MAD1L1: variants seen among roughly 807,000 people sequenced by gnomAD.
The protein encoded by MAD1L1 is mitotic arrest deficient 1 like 1.
Under a neutral mutation model 96.9 loss-of-function variants are expected in MAD1L1, and 95 were observed. The observed-to-expected ratio is 0.98, with a 90% CI of 0.83 to 1.16. MAD1L1 has a LOEUF of 1.16. Among genes scored for constraint, MAD1L1 ranks in the 50% most tolerant of loss-of-function variants. MAD1L1 has a pLI of 0.00. For synonymous variants in MAD1L1, 473 were observed against 396.6 expected, an observed-to-expected ratio of 1.19 and a Z score of -2.29; for missense variants, 1,007 against 954.4, an observed-to-expected ratio of 1.06 and a Z score of -0.73.
chr7:1,885,713 C>A (rs1236534556), intron 18 of MAD1L1, among the ~76,000 whole-genome samples: 1 of 152,212 alleles, frequency 6.6e-6, no homozygotes, highest in Admixed American at 6.5e-5. Flanking sequence ...GTGGCTCTGA[C>A]TGCTGCCCCG....
intron 12 of MAD1L1, among the ~76,000 whole-genome samples, chr7:2,045,750 G>C (rs562860499): frequency 1.3e-5 from 2 of 152,070 alleles, no homozygotes; most frequent in East Asian, 3.9e-4. Context: ...GGGGAGGGGA[G>C]CGGGACATGG....
intron 18 of MAD1L1, among the ~76,000 whole-genome samples, chr7:1,864,063 A>G (rs958606018): frequency 3.9e-5 from 6 of 152,232 alleles, no homozygotes; most frequent in African/African-American, 1.2e-4. Context: ...ACTGCACTCC[A>G]GCCTGGGCCC....
intron 11 of MAD1L1, among the ~76,000 whole-genome samples, chr7:2,083,464 G>A (rs78580412): frequency 0.024 from 3,679 of 152,346 alleles, 160 homozygotes; most frequent in African/African-American, 0.084. Flanking sequence ...TACACAGCAC[G>A]GAGAGGAGGT....
chr7:1,957,126 G>A (rs955889284), intron 16 of MAD1L1, among the ~76,000 whole-genome samples: 2 of 152,178 alleles, frequency 1.3e-5, no homozygotes, highest in Non-Finnish European at 2.9e-5. Flanking sequence ...GCTCGGAGCC[G>A]CCCATCACCA....
intron 11 of MAD1L1, among the ~76,000 whole-genome samples, chr7:2,143,518 A>T (rs1789145182): frequency 6.6e-6 from 1 of 151,908 alleles, no homozygotes. Flanking sequence ...GAAGAGGCTC[A>T]GAAAAGCACC....
In MAD1L1 at chr7:1,868,451, G is replaced by A. The variant is rs563464739; in HGVS notation, c.1998+29749C>T. ...GTGCTGCTGGAGTGGGGCCCTCCAT[G>A]TCTGTCCTCCCCAGCGAGGCCTCCC... is the stretch of plus-strand genomic sequence containing the variant. On this transcript the variant is annotated intron_variant, in intron 18 of 18. Coordinates refer to ENST00000265854, the MANE Select transcript of MAD1L1 (RefSeq NM_001013836.2). Among the ~76,000 whole-genome samples, 236 of 151,896 alleles carry A rather than the reference G, an allele frequency of 1.6e-3. 1 individual carries two copies. The highest frequency in any genetic ancestry group is 5.5e-3 in the African/African-American group (226 of 41,440).
intron 18 of MAD1L1, among the ~76,000 whole-genome samples, chr7:1,882,859 C>T (rs939872658): frequency 6.6e-6 from 1 of 152,232 alleles, no homozygotes; most frequent in Non-Finnish European, 1.5e-5. Context: ...CAGTTTTGCT[C>T]CTTTAGAAAT....
intron 12 of MAD1L1, among the ~76,000 whole-genome samples, chr7:2,030,791 C>T (rs939655320): frequency 1.3e-5 from 2 of 152,230 alleles, no homozygotes; most frequent in Admixed American, 6.5e-5. Flanking sequence ...CCGTGGGAGG[C>T]GCCCTGCTGT....
At chr7:1,862,272 C>T (rs1197476941) in intron 18 of MAD1L1, among the ~76,000 whole-genome samples, 3 of 152,210 alleles carry the variant, frequency 2.0e-5, no homozygotes, top group Non-Finnish European at 4.4e-5. Flanking sequence ...ACAGCCTGGC[C>T]CCAGCTGTGA....
chr7:2,000,311 G>A (rs990584082), intron 14 of MAD1L1, among the ~76,000 whole-genome samples: 4 of 152,080 alleles, frequency 2.6e-5, no homozygotes, highest in Non-Finnish European at 4.4e-5. Context: ...GGGCACCTGC[G>A]TCTCCCACCC....
chr7:2,167,344 G>C (rs972887303), intron 10 of MAD1L1, among the ~76,000 whole-genome samples: 4 of 151,364 alleles, frequency 2.6e-5, no homozygotes, highest in African/African-American at 9.7e-5. Context: ...TCAGGAGATA[G>C]AGACCATCCT....
intron 11 of MAD1L1, among the ~76,000 whole-genome samples, chr7:2,118,314 G>A (rs1342308774): frequency 4.9e-5 from 6 of 122,344 alleles, no homozygotes; most frequent in Non-Finnish European, 9.0e-5. Flanking sequence ...CACGCAGGAC[G>A]TGGTTGGCGG....
chr7:1,845,623 C>G (rs1783573267), intron 18 of MAD1L1: 1 of 144,696 alleles, frequency 6.9e-6, no homozygotes, highest in South Asian at 2.3e-4. Context: ...GGCTCTGGTT[C>G]ACGGGGAAGA....
chr7:2,126,797 C>T lies in MAD1L1; in HGVS notation c.1073+22355G>A, dbSNP rs753084041. On this transcript the variant is annotated intron_variant, in intron 11 of 18. Transcript: ENST00000265854. ...AACCCTGCAGTGAGCCACGAGCCTCCGCCAGGCAGGTGCTCACTGACACTG... is the reference window on the plus strand; with the variant it reads ...AACCCTGCAGTGAGCCACGAGCCTCTGCCAGGCAGGTGCTCACTGACACTG... Among the ~76,000 whole-genome samples the T allele has an allele frequency of 3.3e-5, 5 of 152,182 alleles. No homozygotes were observed. In the South Asian group the frequency reaches 8.3e-4, roughly 25 times the overall value.
chr7:2,226,028 C>T (rs532815859), intron 3 of MAD1L1, among the ~76,000 whole-genome samples: 7 of 152,196 alleles, frequency 4.6e-5, no homozygotes, highest in Non-Finnish European at 8.8e-5. Flanking sequence ...CCTTGCCACA[C>T]GGCCCTCTCC....
intron 11 of MAD1L1, among the ~76,000 whole-genome samples, chr7:2,098,057 G>C (rs569732614): frequency 6.6e-6 from 1 of 152,346 alleles, no homozygotes; most frequent in South Asian, 2.1e-4. Context: ...AATCACTCAT[G>C]CGGCGGCTCC....
intron 12 of MAD1L1, among the ~76,000 whole-genome samples, chr7:2,050,418 TG>T (rs55638800): frequency 0.14 from 21,808 of 152,096 alleles, 1,939 homozygotes; most frequent in South Asian, 0.29. Context: ...AGGCTGAGGG[TG>T]GTGAGCCAGG....
chr7:1,974,230 T>C (rs1183604578), intron 15 of MAD1L1, among the ~76,000 whole-genome samples: 2 of 152,052 alleles, frequency 1.3e-5, no homozygotes, highest in South Asian at 2.1e-4. Context: ...CAGAGGCCCC[T>C]CCCAAGGGCT....
chr7:1,841,279 G>T (rs1783241660), intron 18 of MAD1L1, among the ~76,000 whole-genome samples: 1 of 152,240 alleles, frequency 6.6e-6, no homozygotes, highest in African/African-American at 2.4e-5. Context: ...CACATGGGGG[G>T]CGAGGACAGC....
Sources: allele counts gnomAD v4.1 joint callset (sites outside exome capture counted in the v4.1 genomes callset), GRCh38; gene constraint gnomAD v4.1.1; transcripts MANE v1.5; gene names NCBI Gene and HGNC (gene_info 2026-07-23, HGNC 2026-07-21).